Variants in PTPRD observed in about 807,000 individuals in gnomAD.
The protein encoded by PTPRD is receptor-type tyrosine-protein phosphatase delta.
A neutral mutation model predicts 214.5 loss-of-function variants in PTPRD; 34 were observed. The observed-to-expected ratio is 0.16, with a 90% CI of 0.12 to 0.21. PTPRD has a LOEUF of 0.21. Ranked by LOEUF, PTPRD falls within the 10% of genes least tolerant of loss-of-function variation. The pLI is 1.00. For synonymous variants in PTPRD, 1,128 were observed against 845.7 expected (o/e 1.33, Z -5.79); for missense variants, 2,545 against 2,398.7 (o/e 1.06, Z -1.27).
intron 5 of PTPRD, among the ~76,000 whole-genome samples, chr9:9,768,125 A>C (rs950830827): frequency 6.6e-6 from 1 of 152,100 alleles, no homozygotes; most frequent in African/African-American, 2.4e-5. Context: ...CAACTTCTTT[A>C]TTTGATGGCC....
chr9:9,253,741 C>T (rs1371870630), intron 9 of PTPRD, among the ~76,000 whole-genome samples: 1 of 152,124 alleles, frequency 6.6e-6, no homozygotes, highest in African/African-American at 2.4e-5. Flanking sequence ...TTGAGCTTCA[C>T]TGATTGCTTG....
chr9:9,646,051 T>A (rs1202943326), intron 7 of PTPRD, among the ~76,000 whole-genome samples: 1 of 152,246 alleles, frequency 6.6e-6, no homozygotes, highest in Non-Finnish European at 1.5e-5. Flanking sequence ...ATACAATTCA[T>A]GTTTATTTGT....
chr9:8,335,830 C>G (rs1846105262), intron 43 of PTPRD, among the ~76,000 whole-genome samples: 1 of 152,054 alleles, frequency 6.6e-6, no homozygotes, highest in African/African-American at 2.4e-5. Flanking sequence ...GTCACAAGCA[C>G]TCCTATATAC....
chr9:9,056,702 C>T (rs772637616), intron 10 of PTPRD, among the ~76,000 whole-genome samples: 4 of 152,174 alleles, frequency 2.6e-5, no homozygotes, highest in East Asian at 3.9e-4. Flanking sequence ...AGCCATTCAA[C>T]GACACTAATC....
chr9:8,584,191 A>T (rs573721037), intron 14 of PTPRD, among the ~76,000 whole-genome samples: 4 of 152,318 alleles, frequency 2.6e-5, no homozygotes, highest in Non-Finnish European at 5.9e-5. Flanking sequence ...AAATAAAAAT[A>T]AATAAGAAGC....
At chr9:9,798,970 G>T (rs10119596) in intron 5 of PTPRD, among the ~76,000 whole-genome samples, 1 of 152,010 alleles carries the variant, frequency 6.6e-6, no homozygotes, top group African/African-American at 2.4e-5. Context: ...AAAATATTTT[G>T]AAAGTTGGGA....
intron 11 of PTPRD, among the ~76,000 whole-genome samples, chr9:8,879,953 C>T (rs148791626): frequency 1.6e-4 from 24 of 152,286 alleles, no homozygotes; most frequent in Non-Finnish European, 2.8e-4. Context: ...AGAAAGTGAG[C>T]CTTTTTCGTC....
chr9:10,064,815 T>G (rs1327828382), intron 3 of PTPRD, among the ~76,000 whole-genome samples: 1 of 152,010 alleles, frequency 6.6e-6, no homozygotes, highest in Non-Finnish European at 1.5e-5. Flanking sequence ...AAATAAAAGT[T>G]GAAATTATAA....
chr9:8,754,227 G>A (rs1013858280), intron 11 of PTPRD, among the ~76,000 whole-genome samples: 1 of 152,108 alleles, frequency 6.6e-6, no homozygotes, highest in African/African-American at 2.4e-5. Context: ...ATAAACTTCA[G>A]CATACTATTC....
chr9:10,084,110 T>A (rs2098288638), intron 3 of PTPRD, among the ~76,000 whole-genome samples: 1 of 152,014 alleles, frequency 6.6e-6, no homozygotes, highest in South Asian at 2.1e-4. Flanking sequence ...TCTCCTAGGT[T>A]ATAAGTACTA....
rs906199187 is a variant in PTPRD, at chr9:9,923,925, G to C, written c.-368+14582C>G. Among the ~76,000 whole-genome samples the C allele has an allele frequency of 4.8e-4, 73 of 151,892 alleles. 1 individual carries two copies. Among genetic ancestry groups the C allele is most frequent in the Admixed American group, 3.1e-3 (47 of 15,220 alleles). On this transcript the variant is annotated intron_variant, in intron 5 of 45. Coordinates refer to ENST00000381196, the MANE Select transcript of PTPRD (RefSeq NM_002839.4). ...GTCTTAGAGAGCAACCAGTGAGAGG[G>C]GAGCAGAAGGATGAAAGGCTAGAGG...
At chr9:9,193,720 T>TAA (rs2099936619) in intron 9 of PTPRD, among the ~76,000 whole-genome samples, 1 of 152,088 alleles carries the variant, frequency 6.6e-6, no homozygotes. Context: ...GTAGGGCACT[T>TAA]ACCATGAATG....
chr9:9,953,528 A>ACACT (rs1193024282), intron 4 of PTPRD, among the ~76,000 whole-genome samples: 1 of 152,016 alleles, frequency 6.6e-6, no homozygotes, highest in African/African-American at 2.4e-5. Context: ...ACACACATAC[A>ACACT]TACACACTCA....
chr9:8,787,010 C>CT (rs1297632566), intron 11 of PTPRD, among the ~76,000 whole-genome samples: 8 of 151,718 alleles, frequency 5.3e-5, no homozygotes, highest in East Asian at 1.9e-4. Context: ...CTAATATTTT[C>CT]TTTTTTTTGT....
chr9:10,466,391 A>G (rs1340359634), intron 2 of PTPRD, among the ~76,000 whole-genome samples: 1 of 152,132 alleles, frequency 6.6e-6, no homozygotes, highest in East Asian at 1.9e-4. Context: ...TGGGAGGCTG[A>G]GGCGGGAGGA....
chr9:9,215,732 C>G (rs1169655707), intron 9 of PTPRD, among the ~76,000 whole-genome samples: 1 of 152,160 alleles, frequency 6.6e-6, no homozygotes, highest in African/African-American at 2.4e-5. Context: ...TGTAGCTGTT[C>G]ATGACTTTCT....
Position 8,316,097 on chromosome 9 carries a change from C to T in PTPRD, c.*1777G>A, listed in dbSNP as rs377108589. ...AAGGGAATATAAATAAAACAAGTAG[C>T]TTTTTCTGATGTTGATGATTGATTA... On this transcript the variant is annotated 3_prime_UTR_variant, in exon 46 of 46. Coordinates refer to ENST00000381196, the MANE Select transcript of PTPRD (RefSeq NM_002839.4). The T allele has an allele frequency of 2.6e-5, 6 of 229,652 alleles. No individual in the cohort carries two copies. Among genetic ancestry groups the T allele is most frequent in the Non-Finnish European group, 5.2e-5 (6 of 115,674 alleles). 14.2% of individuals were successfully genotyped at this position (229,652 alleles called of 1,614,324 possible).
intron 11 of PTPRD, among the ~76,000 whole-genome samples, chr9:8,776,862 T>C (rs1021907661): frequency 2.0e-5 from 3 of 147,568 alleles, no homozygotes; most frequent in Non-Finnish European, 4.5e-5. Flanking sequence ...AAAAATATTA[T>C]ATAATACATA....
intron 14 of PTPRD, among the ~76,000 whole-genome samples, chr9:8,548,103 A>G (rs747100111): frequency 2.0e-4 from 31 of 152,196 alleles, no homozygotes; most frequent in Non-Finnish European, 4.0e-4. Flanking sequence ...TAAGAGCATG[A>G]ATATAATTTT....
Sources: gnomAD v4.1 joint callset for allele counts (sites outside exome capture counted in the v4.1 genomes callset) on GRCh38, gnomAD v4.1.1 for gene constraint, MANE v1.5 for transcripts, NCBI Gene and HGNC (gene_info 2026-07-23, HGNC 2026-07-21) for gene names.